GXYLT1: variants seen among roughly 807,000 people sequenced by gnomAD.
GXYLT1 encodes glucoside xylosyltransferase 1.
In GXYLT1, 29 loss-of-function variants were observed where a neutral mutation model predicts 54.0. The ratio of observed to expected loss-of-function variants is 0.54; its 90% CI spans 0.40 to 0.73. The LOEUF is 0.73. Among genes scored for constraint, GXYLT1 ranks in the 30% least tolerant of loss-of-function variants. The pLI, the probability that GXYLT1 is intolerant of heterozygous loss-of-function variation, is 0.00. For synonymous variants in GXYLT1, 176 were observed against 204.1 expected (o/e 0.86, Z 1.17); for missense variants, 490 against 553.4 (o/e 0.89, Z 1.15).
chr12:42,084,695 G>A lies in GXYLT1; in HGVS notation c.*3091C>T, dbSNP rs1397235460. Reference sequence around the variant, plus strand: ...TCTTTTCACTATACCAATAACATCTGACTGGAGGCAAGATGAGAGAGCAAT... The same window carrying A: ...TCTTTTCACTATACCAATAACATCTAACTGGAGGCAAGATGAGAGAGCAAT... On this transcript the variant is annotated 3_prime_UTR_variant, in exon 8 of 8. Coordinates refer to ENST00000398675, the MANE Select transcript of GXYLT1 (RefSeq NM_173601.2). 1.3e-5 allele frequency: 2 copies of A among 152,246 alleles called. No individual in the cohort carries two copies. Among genetic ancestry groups the A allele is most frequent in the Non-Finnish European group, 2.9e-5 (2 of 68,048 alleles). 9.4% of individuals were successfully genotyped at this position (152,246 alleles called of 1,614,324 possible).
At chr12:42,098,892 G>A (rs907931880) in intron 5 of GXYLT1, among the ~76,000 whole-genome samples, 3 of 150,918 alleles carry the variant, frequency 2.0e-5, no homozygotes, top group African/African-American at 7.3e-5. Flanking sequence ...ATTCTAAAAG[G>A]TTGCTATTTG....
At chr12:42,098,753 T>C (rs1423708789) in intron 5 of GXYLT1, among the ~76,000 whole-genome samples, 2 of 34,000 alleles carry the variant, frequency 5.9e-5, no homozygotes, top group East Asian at 2.8e-3. Flanking sequence ...TCTTATTAAA[T>C]TTAAAACATA....
chr12:42,144,668 T>TCCCCGCCGCCGC lies in GXYLT1; in HGVS notation c.-23_-22insGCGGCGGCGGGG, dbSNP rs1555143871. The TCCCCGCCGCCGC allele has an allele frequency of 1.1e-4, 145 of 1,380,420 alleles. No homozygotes were observed. Among genetic ancestry groups the TCCCCGCCGCCGC allele is most frequent in the Non-Finnish European group, 1.3e-4 (140 of 1,056,936 alleles). The allele number at this position is 1,380,420 out of a possible 1,614,324, so 85.5% of individuals were successfully genotyped here. A position where few individuals can be genotyped will look rare whatever the true frequency, so the allele number is the denominator to read the frequency against. The stretch of plus-strand genomic sequence containing the variant: ...GCATCGCCCCGGCCGCGCTCCTCCT[T>TCCCCGCCGCCGC]CGCCGCCGCCGCCGCGCCCGCCCCG... On this transcript the variant is annotated 5_prime_UTR_variant, in exon 1 of 8. Coordinates refer to ENST00000398675, the MANE Select transcript of GXYLT1 (RefSeq NM_173601.2).
At position 42,114,558 on chromosome 12, in the gene GXYLT1, C is replaced by T. The variant is rs2065480804; in HGVS notation, c.486+4442G>A. Among the ~76,000 whole-genome samples the T allele has an allele frequency of 2.6e-5, 4 of 152,156 alleles. No individual in the cohort carries two copies. In the South Asian group the frequency reaches 8.3e-4, roughly 31 times the overall value. ...AAATGGATAAATTCCTCGACACATACATCCTCCCAAGACTAAACCAGGAAG... is the reference window on the plus strand; with the variant it reads ...AAATGGATAAATTCCTCGACACATATATCCTCCCAAGACTAAACCAGGAAG... On this transcript the variant is annotated intron_variant, in intron 3 of 7. Coordinates refer to ENST00000398675, the MANE Select transcript of GXYLT1 (RefSeq NM_173601.2).
intron 7 of GXYLT1, among the ~76,000 whole-genome samples, chr12:42,094,245 T>G (rs953035010): frequency 6.6e-6 from 1 of 151,644 alleles, no homozygotes; most frequent in Admixed American, 6.6e-5. Context: ...TCCCAGATAT[T>G]TGGGAGGCTG....
At chr12:42,132,796 A>C (rs1232923962) in intron 1 of GXYLT1, among the ~76,000 whole-genome samples, 1 of 150,348 alleles carries the variant, frequency 6.7e-6, no homozygotes, top group Non-Finnish European at 1.5e-5. Flanking sequence ...TTTTTTTTTT[A>C]AGTTGATGCA....
At chr12:42,130,666 C>T (rs936522360) in intron 1 of GXYLT1, among the ~76,000 whole-genome samples, 2 of 152,136 alleles carry the variant, frequency 1.3e-5, no homozygotes, top group African/African-American at 4.8e-5. Flanking sequence ...TACACACATA[C>T]ACAGACAGGC....
At position 42,083,761 on chromosome 12, in the gene GXYLT1, C is replaced by A. The variant is rs1053853986; in HGVS notation, c.*4025G>T. The A allele has an allele frequency of 2.0e-5, 3 of 152,182 alleles. No homozygotes were observed. The highest frequency in any genetic ancestry group is 7.2e-5 in the African/African-American group (3 of 41,444). 9.4% of individuals were successfully genotyped at this position (152,182 alleles called of 1,614,324 possible). ...GCCATCCAAGGCAGGGCAGTGATTCCCAAACCTGGCCTCTCGTCAGTATCA... is the reference window on the plus strand; with the variant it reads ...GCCATCCAAGGCAGGGCAGTGATTCACAAACCTGGCCTCTCGTCAGTATCA... On this transcript the variant is annotated 3_prime_UTR_variant, in exon 8 of 8. Coordinates refer to ENST00000398675, the MANE Select transcript of GXYLT1 (RefSeq NM_173601.2).
At chr12:42,113,703 A>C in intron 3 of GXYLT1, among the ~76,000 whole-genome samples, 1 of 150,966 alleles carries the variant, frequency 6.6e-6, no homozygotes, top group African/African-American at 2.5e-5. Context: ...CCCCACTGTC[A>C]ACATTGGACA....
At position 42,119,126 on chromosome 12, in the gene GXYLT1, T is replaced by C; in HGVS notation, c.360A>G (p.Val120=). The change falls in exon 3 of 8, where the codon GTA becomes GTG. Residue 120 remains valine, a synonymous_variant. Coordinates refer to ENST00000398675, the MANE Select transcript of GXYLT1 (RefSeq NM_173601.2). ...IQPVEKMHLA[V]VACGERLEET... is the part of the protein sequence containing the mutation. ...CTTCCAGTCTTTCACCACAGGCAAC[T>C]ACAGCTAGATGCATTTTCTCAACAG... is the stretch of plus-strand genomic sequence containing the variant. 1 of 1,614,116 alleles carries C rather than the reference T, an allele frequency of 6.2e-7. No homozygotes were observed. The highest frequency in any genetic ancestry group is 2.2e-5 in the East Asian group (1 of 44,890).
chr12:42,087,688 T>C lies in GXYLT1; in HGVS notation c.*98A>G, dbSNP rs200525317. 14 of 811,148 alleles carry C rather than the reference T, an allele frequency of 1.7e-5. No homozygotes were observed. The highest frequency in any genetic ancestry group is 2.6e-5 in the Non-Finnish European group (14 of 535,250). 50.2% of individuals were successfully genotyped at this position (811,148 alleles called of 1,614,324 possible). A position where few individuals can be genotyped will look rare whatever the true frequency, so the allele number is the denominator to read the frequency against. ...AGGAAAAAAAAAATTATTCTGGAGA[T>C]GAGTAATTCCTTCCTGAATACTTCA... On this transcript the variant is annotated 3_prime_UTR_variant, in exon 8 of 8. Coordinates refer to ENST00000398675, the MANE Select transcript of GXYLT1 (RefSeq NM_173601.2).
chr12:42,137,257 C>T (rs560086532), intron 1 of GXYLT1, among the ~76,000 whole-genome samples: 38 of 152,026 alleles, frequency 2.5e-4, no homozygotes, highest in African/African-American at 8.4e-4. Context: ...GCCTGTAATC[C>T]CAGCACTTTG....
chr12:42,108,132 G>A (rs1174012231), intron 4 of GXYLT1, among the ~76,000 whole-genome samples: 2 of 152,148 alleles, frequency 1.3e-5, no homozygotes, highest in Admixed American at 6.5e-5. Context: ...AGTAGTTCTT[G>A]TACTTAAAAT....
At chr12:42,102,874 T>G (rs926101381) in intron 5 of GXYLT1, among the ~76,000 whole-genome samples, 2 of 151,978 alleles carry the variant, frequency 1.3e-5, no homozygotes, top group Non-Finnish European at 2.9e-5. Flanking sequence ...TTATGATTTT[T>G]AAAAAGTTGT....
At chr12:42,112,535 G>T (rs1371592298) in intron 3 of GXYLT1, among the ~76,000 whole-genome samples, 1 of 152,076 alleles carries the variant, frequency 6.6e-6, no homozygotes, top group Non-Finnish European at 1.5e-5. Context: ...TGGAAGAAAG[G>T]GTATCAGTGA....
intron 7 of GXYLT1, among the ~76,000 whole-genome samples, chr12:42,097,214 T>C (rs12308091): frequency 0.045 from 6,813 of 151,876 alleles, 450 homozygotes; most frequent in African/African-American, 0.14. Context: ...ACTTAATGTA[T>C]GCAACTTACA....
intron 2 of GXYLT1, among the ~76,000 whole-genome samples, chr12:42,120,027 T>C (rs1352751791): frequency 6.6e-6 from 1 of 152,186 alleles, no homozygotes; most frequent in Non-Finnish European, 1.5e-5. Context: ...ATTAATTCAT[T>C]ACTCACATTA....
intron 2 of GXYLT1, among the ~76,000 whole-genome samples, chr12:42,128,729 C>CT (rs1407686422): frequency 1.3e-5 from 2 of 152,088 alleles, no homozygotes; most frequent in Non-Finnish European, 2.9e-5. Flanking sequence ...GAGACAGGGT[C>CT]TTGCTCTGGG....
At chr12:42,094,797 T>TA (rs1376830242) in intron 7 of GXYLT1, among the ~76,000 whole-genome samples, 4 of 152,064 alleles carry the variant, frequency 2.6e-5, no homozygotes, top group African/African-American at 4.8e-5. Context: ...ATTCCTAACA[T>TA]ACAAAGAACT....
Sources: gnomAD v4.1 joint callset for allele counts (sites outside exome capture counted in the v4.1 genomes callset) on GRCh38, gnomAD v4.1.1 for gene constraint, MANE v1.5 for transcripts, NCBI Gene and HGNC (gene_info 2026-07-23, HGNC 2026-07-21) for gene names.